Variants in SEPTIN11 observed in about 807,000 individuals in gnomAD.
SEPTIN11 encodes septin-11.
In SEPTIN11, 25 loss-of-function variants were observed where a neutral mutation model predicts 51.4. The observed-to-expected ratio is 0.49, with a 90% CI of 0.35 to 0.68. SEPTIN11 has a LOEUF of 0.68. SEPTIN11 is among the 30% of genes least tolerant of loss of function. The probability of loss-of-function intolerance (pLI) is 0.00; values close to 1 mark genes in which losing one functional copy is unlikely to be tolerated. For synonymous variants in SEPTIN11, 174 were observed against 184.1 expected (o/e 0.95, Z 0.44); for missense variants, 381 against 520.8 (o/e 0.73, Z 2.61).
chr4:77,027,002 C>T (rs1726201696), intron 7 of SEPTIN11, among the ~76,000 whole-genome samples: 1 of 152,064 alleles, frequency 6.6e-6, no homozygotes, highest in Admixed American at 6.5e-5. Flanking sequence ...AATGTGAAAG[C>T]GAAATGTACC....
chr4:77,030,028 G>A (rs191649091), intron 8 of SEPTIN11, among the ~76,000 whole-genome samples: 1 of 152,216 alleles, frequency 6.6e-6, no homozygotes, highest in East Asian at 1.9e-4. Context: ...GGATGCCAAG[G>A]TGGGAGGATC....
At chr4:76,961,625 G>A (rs182591284) in intron 1 of SEPTIN11, among the ~76,000 whole-genome samples, 533 of 152,282 alleles carry the variant, frequency 3.5e-3, no homozygotes, top group Middle Eastern at 6.8e-3. Context: ...CTGCGGTTGT[G>A]CAAAATCATC....
At chr4:76,959,332 T>G (rs1721718344) in intron 1 of SEPTIN11, among the ~76,000 whole-genome samples, 1 of 151,340 alleles carries the variant, frequency 6.6e-6, no homozygotes, top group African/African-American at 2.4e-5. Flanking sequence ...CAGGTTTGTC[T>G]CAAACCCCTG....
downstream of SEPTIN11, chr4:77,040,048 G>C (rs191133667): frequency 6.6e-6 from 1 of 152,172 alleles, no homozygotes; most frequent in East Asian, 1.9e-4. Flanking sequence ...TTTTTGTTAC[G>C]GGATTTTGAC....
At chr4:76,966,468 T>G (rs1722038177) in intron 1 of SEPTIN11, among the ~76,000 whole-genome samples, 1 of 143,126 alleles carries the variant, frequency 7.0e-6, no homozygotes, top group Non-Finnish European at 1.5e-5. Context: ...TATAGCTGAC[T>G]TTTTTTTTTT....
intron 5 of SEPTIN11, among the ~76,000 whole-genome samples, chr4:77,016,797 T>A (rs1725342359): frequency 6.9e-6 from 1 of 144,428 alleles, no homozygotes; most frequent in Non-Finnish European, 1.5e-5. Flanking sequence ...AAAAAATAAA[T>A]TCTACAAAAA....
chr4:77,006,274 A>G lies in SEPTIN11; in HGVS notation c.338+478A>G, dbSNP rs887511942. On this transcript the variant is annotated intron_variant, in intron 3 of 9. Transcript: ENST00000264893. ...AAATGCCTTCACCATGGCTTGCTAT[A>G]TAATGATAAAATAGTACACTGAGTT... is the stretch of plus-strand genomic sequence containing the variant. 3.0e-4 allele frequency among the ~76,000 whole-genome samples: 45 copies of G among 152,292 alleles called. 1 individual carries two copies. Among genetic ancestry groups the G allele is most frequent in the African/African-American group, 1.1e-3 (45 of 41,566 alleles).
intron 8 of SEPTIN11, among the ~76,000 whole-genome samples, chr4:77,029,945 G>A (rs1233943260): frequency 6.6e-6 from 1 of 152,062 alleles, no homozygotes; most frequent in African/African-American, 2.4e-5. Context: ...TACCACTAGG[G>A]TGAGTTTTTT....
chr4:77,016,375 A>C (rs1725226209), intron 5 of SEPTIN11, among the ~76,000 whole-genome samples: 1 of 150,718 alleles, frequency 6.6e-6, no homozygotes, highest in African/African-American at 2.4e-5. Context: ...CTGCCGCCCG[A>C]GCAGAGCAGT....
At chr4:77,021,572 G>GC (rs1375236618) in intron 7 of SEPTIN11, 1 of 153,066 alleles carries the variant, frequency 6.5e-6, no homozygotes, top group East Asian at 1.9e-4. Flanking sequence ...ACCGCGCCTG[G>GC]CCCCCAAGCT....
intron 4 of SEPTIN11, 136 bp from the exon 5 acceptor site, chr4:77,014,720 T>C (rs1383971391): frequency 2.4e-6 from 2 of 841,916 alleles, no homozygotes; most frequent in Non-Finnish European, 1.8e-6. Flanking sequence ...GTACATGAGA[T>C]GTTTTGATAT....
intron 9 of SEPTIN11, among the ~76,000 whole-genome samples, chr4:77,033,551 C>A (rs1054815163): frequency 1.3e-5 from 2 of 152,094 alleles, no homozygotes; most frequent in Non-Finnish European, 2.9e-5. Context: ...TAGAACTAAC[C>A]CTGGCACTGC....
intron 1 of SEPTIN11, among the ~76,000 whole-genome samples, chr4:76,994,956 G>A (rs1406556279): frequency 1.4e-5 from 2 of 139,590 alleles, no homozygotes; most frequent in Non-Finnish European, 3.0e-5. Context: ...GAAGCTGGGA[G>A]TGGTGGCACA....
At chr4:77,034,112 CA>C (rs751148990) in intron 9 of SEPTIN11, among the ~76,000 whole-genome samples, 1 of 152,222 alleles carries the variant, frequency 6.6e-6, no homozygotes, top group African/African-American at 2.4e-5. Context: ...ACTCCTTCAG[CA>C]GCTCAGAAGT....
chr4:77,016,643 T>TATACACACACAC (rs1553975108), intron 5 of SEPTIN11, among the ~76,000 whole-genome samples: 1 of 125,906 alleles, frequency 7.9e-6, no homozygotes, highest in African/African-American at 3.0e-5. Context: ...CATATATATA[T>TATACACACACAC]ATATATATAT....
chr4:77,018,557 T>C (rs1267542211), intron 5 of SEPTIN11, among the ~76,000 whole-genome samples: 2 of 152,238 alleles, frequency 1.3e-5, no homozygotes, highest in Non-Finnish European at 2.9e-5. Flanking sequence ...ATATTTTATC[T>C]GTATTTACAT....
chr4:76,995,903 CAT>C, intron 1 of SEPTIN11: 1 of 1,535,598 alleles, frequency 6.5e-7, no homozygotes. Flanking sequence ...GAAACCAGCT[CAT>C]GTGCTGAGAA....
chr4:76,953,546 C>T (rs1418881772), intron 1 of SEPTIN11, among the ~76,000 whole-genome samples: 1 of 152,034 alleles, frequency 6.6e-6, no homozygotes, highest in East Asian at 1.9e-4. Context: ...AAATGTGGCC[C>T]CAGATGGATG....
rs544886542 is a variant in SEPTIN11, at chr4:76,984,947, G to A, written c.28-11478G>A. 6.6e-6 allele frequency: 1 copy of A among 152,366 alleles called. No homozygotes were observed. The highest frequency in any genetic ancestry group is 2.1e-4 in the South Asian group (1 of 4,834). The allele number at this position is 152,366 out of a possible 1,614,324, so 9.4% of individuals were successfully genotyped here. Reference sequence around the variant, plus strand: ...TTTTCATCATCTCTGATGTGGGCCAGTGCGAAAGAGCAGCTGCAACATCTG... The same window carrying A: ...TTTTCATCATCTCTGATGTGGGCCAATGCGAAAGAGCAGCTGCAACATCTG... On this transcript the variant is annotated intron_variant, in intron 1 of 9. Coordinates refer to ENST00000264893, the MANE Select transcript of SEPTIN11 (RefSeq NM_018243.4). This position sits in a 1 kb window ranked among gnomAD's most constrained non-coding sequence, Gnocchi z 4.1.
Sources: gnomAD v4.1 joint callset for allele counts (sites outside exome capture counted in the v4.1 genomes callset) on GRCh38, gnomAD v4.1.1 for gene constraint, Gnocchi (gnomAD v3.1) non-coding constraint, MANE v1.5 for transcripts, NCBI Gene and HGNC (gene_info 2026-07-23, HGNC 2026-07-21) for gene names.